ZFHX3: variants seen among roughly 807,000 people sequenced by gnomAD.
The protein encoded by ZFHX3 is zinc finger homeobox 3.
In ZFHX3, 42 loss-of-function variants were observed where a neutral mutation model predicts 279.1. The ratio of observed to expected loss-of-function variants is 0.15; its 90% CI spans 0.12 to 0.19. The LOEUF is 0.19. Among genes scored for constraint, ZFHX3 ranks in the 10% least tolerant of loss-of-function variants. ZFHX3 has a pLI of 1.00. For synonymous variants in ZFHX3, 2,293 were observed against 1,957.8 expected (o/e 1.17, Z -4.52); for missense variants, 4,981 against 4,754.0 (o/e 1.05, Z -1.40).
At chr16:73,421,695 G>A (rs1378307484) in intron 3 of ZFHX3, among the ~76,000 whole-genome samples, 1 of 152,098 alleles carries the variant, frequency 6.6e-6, no homozygotes, top group Non-Finnish European at 1.5e-5. Context: ...GACTGATACA[G>A]AATCTGCACT....
chr16:72,960,096 C>T lies in ZFHX3; in HGVS notation c.50G>A (p.Gly17Asp), dbSNP rs1297046272. 1.9e-6 allele frequency: 3 copies of T among 1,608,140 alleles called. No homozygotes were observed. The highest frequency in any genetic ancestry group is 1.3e-5 in the African/African-American group (1 of 74,654). ...AGTCCATTGCTGGTGCTGAGGGATA[C>T]CGCACCCATTGTCCTTCCCCGAGAC... ...PVVSGKDNGC[G>D]IPQHQQWTEL... Residue 17 changes from glycine to aspartate, a missense_variant, in exon 2 of 10, where the codon GGT becomes GAT. Physicochemically the swap from Gly to Asp is moderately conservative, Grantham distance 94. Coordinates refer to ENST00000268489, the MANE Select transcript of ZFHX3 (RefSeq NM_006885.4).
intron 2 of ZFHX3, among the ~76,000 whole-genome samples, chr16:73,523,772 T>C (rs1208984548): frequency 1.3e-5 from 2 of 152,120 alleles, no homozygotes; most frequent in Non-Finnish European, 2.9e-5. Flanking sequence ...CCTGTTCTGA[T>C]GAAACTCTAT....
At chr16:73,483,617 G>A (rs1319259920) in intron 2 of ZFHX3, among the ~76,000 whole-genome samples, 2 of 152,060 alleles carry the variant, frequency 1.3e-5, no homozygotes, top group South Asian at 4.2e-4. Context: ...AAGGGAGAGT[G>A]GGGGGCGGGG....
chr16:73,085,268 A>T (rs1677597908), intron 8 of ZFHX3, among the ~76,000 whole-genome samples: 2 of 152,116 alleles, frequency 1.3e-5, no homozygotes, highest in Admixed American at 6.5e-5. Context: ...TTTTATTATT[A>T]TTGTTTTTTT....
intron 1 of ZFHX3, among the ~76,000 whole-genome samples, chr16:73,005,075 T>C (rs968227865): frequency 1.3e-5 from 2 of 152,226 alleles, no homozygotes; most frequent in African/African-American, 2.4e-5. Context: ...AGTGTCCAAG[T>C]CTGGCTGACT....
chr16:73,890,219 G>T (rs1296737396), intron 1 of ZFHX3, among the ~76,000 whole-genome samples: 1 of 134,868 alleles, frequency 7.4e-6, no homozygotes, highest in Non-Finnish European at 1.6e-5. Context: ...TCTTGTAATT[G>T]TAAGAGTGTA....
intron 5 of ZFHX3, among the ~76,000 whole-genome samples, chr16:72,817,303 C>G (rs1417341570): frequency 3.3e-5 from 5 of 152,192 alleles, no homozygotes; most frequent in Non-Finnish European, 7.3e-5. Context: ...CCACAGAAAA[C>G]TTAAGAGTTG....
intron 2 of ZFHX3, among the ~76,000 whole-genome samples, chr16:73,596,337 C>G (rs957241618): frequency 6.6e-6 from 1 of 152,068 alleles, no homozygotes; most frequent in African/African-American, 2.4e-5. Context: ...CCATTACTTT[C>G]TAATCTCTTT....
At chr16:73,295,952 C>T (rs912199614) in intron 4 of ZFHX3, among the ~76,000 whole-genome samples, 2 of 152,214 alleles carry the variant, frequency 1.3e-5, no homozygotes, top group African/African-American at 4.8e-5. Flanking sequence ...TCCAATGGCA[C>T]CAGCAGGAAT....
intron 3 of ZFHX3, among the ~76,000 whole-genome samples, chr16:72,901,457 G>A (rs976866114): frequency 6.6e-6 from 1 of 152,162 alleles, no homozygotes; most frequent in African/African-American, 2.4e-5. Context: ...AACACAAGCA[G>A]GAGGTAAGCA....
chr16:73,370,316 C>T (rs1413929706), intron 3 of ZFHX3, among the ~76,000 whole-genome samples: 1 of 152,254 alleles, frequency 6.6e-6, no homozygotes, highest in East Asian at 1.9e-4. Flanking sequence ...ATCCTCTCAT[C>T]AAAGCCATTT....
intron 1 of ZFHX3, among the ~76,000 whole-genome samples, chr16:73,689,844 A>AGATG (rs1211323043): frequency 7.0e-6 from 1 of 142,494 alleles, no homozygotes; most frequent in African/African-American, 2.6e-5. Flanking sequence ...TGTTTTTTTG[A>AGATG]GATGGAGTCT....
In ZFHX3 at chr16:72,958,583, C is replaced by T. The variant is rs62640007; in HGVS notation, c.1563G>A (p.Lys521=). The T allele has an allele frequency of 1.9e-6, 3 of 1,613,952 alleles. No individual in the cohort carries two copies. Among genetic ancestry groups the T allele is most frequent in the African/African-American group, 1.3e-5 (1 of 74,882 alleles). ...PGAAAGSSSK[K]DLALSNQSIS... ...TGCTTTGGTTTGAGAGAGCAAGGTC[C>T]TTTTTGCTGCTACTACCTGCTGCGG... The change falls in exon 2 of 10, where the codon AAG becomes AAA. Residue 521 remains lysine (K), a synonymous_variant. Transcript: ENST00000268489.
intron 2 of ZFHX3, among the ~76,000 whole-genome samples, chr16:73,556,678 A>AG (rs2020287917): frequency 6.6e-6 from 1 of 151,972 alleles, no homozygotes; most frequent in Admixed American, 6.5e-5. Context: ...AAGGAGTCCT[A>AG]GGGGGTGACC....
intron 2 of ZFHX3, among the ~76,000 whole-genome samples, chr16:73,512,847 T>C (rs960507472): frequency 6.6e-6 from 1 of 152,208 alleles, no homozygotes; most frequent in African/African-American, 2.4e-5. Context: ...CCTGACTATG[T>C]TGCCTGGGAG....
At chr16:73,093,778 C>T in intron 7 of ZFHX3, 1 of 284,500 alleles carries the variant, frequency 3.5e-6, no homozygotes, top group South Asian at 3.5e-5. Flanking sequence ...ACCTAAATTC[C>T]ATTCCTCGTC....
intron 1 of ZFHX3, among the ~76,000 whole-genome samples, chr16:72,978,155 G>A (rs762012678): frequency 2.6e-5 from 4 of 152,272 alleles, no homozygotes; most frequent in East Asian, 3.9e-4. Context: ...GTGAGCCACC[G>A]CACCCAGCCT....
intron 8 of ZFHX3, chr16:73,081,702 C>G (rs2144766236): frequency 6.6e-6 from 1 of 152,334 alleles, no homozygotes; most frequent in South Asian, 2.1e-4. Flanking sequence ...CACATGCATT[C>G]TAGAATCTGT....
Position 73,686,725 on chromosome 16 carries a change from A to C in ZFHX3, c.-1607-6485T>G, listed in dbSNP as rs146498377. The stretch of plus-strand genomic sequence containing the variant: ...AACCCATTGTACTAACTATAAAAGC[A>C]GTCAGGCCTAGACTTGTGTGAGACC... On this transcript the variant is annotated intron_variant, in intron 1 of 17. Coordinates refer to the ZFHX3 transcript ENST00000641206. Among the ~76,000 whole-genome samples the C allele has an allele frequency of 4.0e-3, 611 of 152,188 alleles. 7 individuals are homozygous for C. The highest frequency in any genetic ancestry group is 0.014 in the African/African-American group (575 of 41,516).
Sources: gnomAD v4.1 joint callset for allele counts (sites outside exome capture counted in the v4.1 genomes callset) on GRCh38, gnomAD v4.1.1 for gene constraint, MANE v1.5 for transcripts, NCBI Gene and HGNC (gene_info 2026-07-23, HGNC 2026-07-21) for gene names.